OPRM1: variants seen among roughly 807,000 people sequenced by gnomAD.
OPRM1 encodes the protein mu-type opioid receptor.
A neutral mutation model predicts 31.8 loss-of-function variants in OPRM1; 27 were observed. That is an observed-to-expected ratio of 0.85 (90% CI 0.63 to 1.17). OPRM1 has a LOEUF of 1.17. Among genes scored for constraint, OPRM1 ranks in the 50% most tolerant of loss-of-function variants. The pLI, the probability that OPRM1 is intolerant of heterozygous loss-of-function variation, is 0.00. For synonymous variants in OPRM1, 196 were observed against 189.9 expected, an observed-to-expected ratio of 1.03 and a Z score of -0.26; for missense variants, 536 against 511.1, an observed-to-expected ratio of 1.05 and a Z score of -0.47.
intron 1 of OPRM1, among the ~76,000 whole-genome samples, chr6:154,029,678 C>T (rs775683421): frequency 3.9e-5 from 6 of 152,146 alleles, no homozygotes; most frequent in Non-Finnish European, 7.4e-5. Flanking sequence ...CAAATCTCAT[C>T]TTGAATTGTA....
chr6:154,158,864 T>G (rs1798816328), intron 3 of OPRM1: 1 of 152,146 alleles, frequency 6.6e-6, no homozygotes, highest in African/African-American at 2.4e-5. Context: ...CATACAAAAA[T>G]AAATCCCTCA....
intron 1 of OPRM1, among the ~76,000 whole-genome samples, chr6:154,033,375 T>A (rs1389752985): frequency 6.6e-6 from 1 of 152,148 alleles, no homozygotes; most frequent in Admixed American, 6.5e-5. Context: ...AGTGCCAGTT[T>A]TTAATGAAAA....
rs200646591 is a variant in OPRM1 at position 154,093,476 on chromosome 6, G to A, written c.1164+2004G>A. ...GATTATTCTTCAGTTGCCCGACACT[G>A]CCCTTGACTCCCTTCCAAATTCGGC... On this transcript the variant is annotated intron_variant, in intron 3 of 3. Coordinates refer to ENST00000330432, the MANE Select transcript of OPRM1 (RefSeq NM_000914.5). The A allele has an allele frequency of 3.7e-6, 6 of 1,611,938 alleles. No individual in the cohort carries two copies. Among genetic ancestry groups the A allele is most frequent in the Non-Finnish European group, 5.1e-6 (6 of 1,178,816 alleles).
chr6:154,099,207 C>T (rs549537506), intron 3 of OPRM1, among the ~76,000 whole-genome samples: 1 of 151,524 alleles, frequency 6.6e-6, no homozygotes, highest in African/African-American at 2.4e-5. Flanking sequence ...ATTGATTGAA[C>T]CTGGGAAGTT....
At chr6:154,034,986 T>A (rs1210985905), upstream of OPRM1, among the ~76,000 whole-genome samples, 1 of 152,210 alleles carries the variant, frequency 6.6e-6, no homozygotes, top group Non-Finnish European at 1.5e-5. Flanking sequence ...GTGTATTATT[T>A]ATAATAATTC....
At chr6:154,153,489 GC>G (rs1297086748) in intron 3 of OPRM1, among the ~76,000 whole-genome samples, 5 of 152,262 alleles carry the variant, frequency 3.3e-5, no homozygotes, top group Admixed American at 6.5e-5. Context: ...TTCAAGACCA[GC>G]CTGCCCAACA....
intron 3 of OPRM1, among the ~76,000 whole-genome samples, chr6:154,176,764 C>T (rs1335307605): frequency 6.6e-6 from 1 of 152,072 alleles, no homozygotes; most frequent in Non-Finnish European, 1.5e-5. Flanking sequence ...TCAATGCTAT[C>T]CCCATCAAGC....
chr6:154,097,381 A>T (rs1793573415), intron 3 of OPRM1, among the ~76,000 whole-genome samples: 1 of 152,050 alleles, frequency 6.6e-6, no homozygotes, highest in South Asian at 2.1e-4. Context: ...AAAATACATC[A>T]CTCTCAAAAG....
intron 1 of OPRM1, among the ~76,000 whole-genome samples, chr6:154,022,010 G>T (rs1778404988): frequency 6.6e-6 from 1 of 152,154 alleles, no homozygotes; most frequent in South Asian, 2.1e-4. Context: ...TGATAAATAT[G>T]ATGTTGAAAA....
chr6:154,159,657 G>A (rs1049989770), intron 3 of OPRM1: 32 of 615,556 alleles, frequency 5.2e-5, no homozygotes, highest in African/African-American at 4.7e-4. Flanking sequence ...CTGAAATGAG[G>A]AGCCCTGGTG....
At position 154,087,765 on chromosome 6, in the gene OPRM1, G is replaced by A. The variant is rs969180951; in HGVS notation, c.291-2061G>A. On this transcript the variant is annotated intron_variant, in intron 1 of 3. Transcript: ENST00000330432. ...CCTGGACTGAGAACGGGAAATGAGT[G>A]GTTCCCAGAGTGAAACTGAGGTACT... The A allele has an allele frequency of 1.1e-4, 19 of 172,386 alleles. No individual in the cohort carries two copies. In the South Asian group the frequency reaches 1.7e-3, roughly 16 times the overall value. The allele number at this position is 172,386 out of a possible 1,614,324, so 10.7% of individuals were successfully genotyped here.
intron 1 of OPRM1, among the ~76,000 whole-genome samples, chr6:154,053,231 T>G (rs192728435): frequency 7.6e-4 from 116 of 152,354 alleles, no homozygotes; most frequent in Non-Finnish European, 1.1e-3. Context: ...TTCAATCTTT[T>G]GGAAGCTTTC....
At position 154,085,397 on chromosome 6, in the gene OPRM1, G is replaced by A. The variant is rs531307098; in HGVS notation, c.291-4429G>A. Among the ~76,000 whole-genome samples, 25 of 152,194 alleles carry A rather than the reference G, an allele frequency of 1.6e-4. 1 individual carries two copies. The highest frequency in any genetic ancestry group is 1.2e-3 in the Admixed American group (19 of 15,292). ...GAAGAACACAATTTTTTTCAAAAAC[G>A]AATAGCATTGTAAATTCATTTGAAT... On this transcript the variant is annotated intron_variant, in intron 1 of 3. Transcript: ENST00000330432.
intron 1 of OPRM1, among the ~76,000 whole-genome samples, chr6:154,021,840 G>T (rs1583132153): frequency 6.6e-6 from 1 of 151,566 alleles, no homozygotes; most frequent in East Asian, 1.9e-4. Flanking sequence ...CTCCAGGAGG[G>T]TTTTCTCTTT....
At position 154,130,899 on chromosome 6, in the gene OPRM1, A is replaced by G. The variant is rs1166233488; in HGVS notation, c.*12178A>G. Among the ~76,000 whole-genome samples the G allele has an allele frequency of 7.2e-5, 11 of 152,140 alleles. No homozygotes were observed. Among genetic ancestry groups the G allele is most frequent in the Admixed American group, 7.2e-4 (11 of 15,282 alleles). Reference sequence around the variant, plus strand: ...TGAACTTTTACATACTTAAATAGCCAGTTATGAAAATGTAAAACAATGAGT... The same window carrying G: ...TGAACTTTTACATACTTAAATAGCCGGTTATGAAAATGTAAAACAATGAGT... On this transcript the variant is annotated 3_prime_UTR_variant, in exon 4 of 4. Coordinates refer to ENST00000330432, the MANE Select transcript of OPRM1 (RefSeq NM_000914.5).
intron 3 of OPRM1, chr6:154,108,288 C>T (rs1036620427): frequency 1.9e-5 from 6 of 314,506 alleles, no homozygotes; most frequent in African/African-American, 4.3e-5. Flanking sequence ...ATCTTTAATC[C>T]GACCTCTGAC....
In OPRM1 at chr6:154,131,942, G is replaced by GTTTTTTTT. The variant is rs11301836; in HGVS notation, c.*13229_*13236dup. On this transcript the variant is annotated 3_prime_UTR_variant, in exon 4 of 4. Transcript: ENST00000330432. ...CTGGGAGTTTTTCTATAAGTTTTTGGTTTTTTTTTTTTTTTCTCTTCATTA... is the reference window on the plus strand; with the variant it reads ...CTGGGAGTTTTTCTATAAGTTTTTGGTTTTTTTTTTTTTTTTTTTTTTTCTCTTCATTA... 7.3e-6 allele frequency among the ~76,000 whole-genome samples: 1 copy of GTTTTTTTT among 137,336 alleles called. No homozygotes were observed. The allele number at this position is 137,336 out of a possible 152,430, so 90.1% of individuals were successfully genotyped here. A position where few individuals can be genotyped will look rare whatever the true frequency, so the allele number is the denominator to read the frequency against.
chr6:154,114,303 T>A (rs1796632774), intron 3 of OPRM1, among the ~76,000 whole-genome samples: 1 of 152,222 alleles, frequency 6.6e-6, no homozygotes, highest in Admixed American at 6.5e-5. Flanking sequence ...AGATACTGAC[T>A]TGGGTGGCTG....
intron 1 of OPRM1, among the ~76,000 whole-genome samples, chr6:154,059,696 A>G (rs1784028498): frequency 6.6e-6 from 1 of 152,246 alleles, no homozygotes; most frequent in Non-Finnish European, 1.5e-5. Context: ...AGAACCTAAC[A>G]AAGTAACAAA....
Sources: allele counts gnomAD v4.1 joint callset (sites outside exome capture counted in the v4.1 genomes callset), GRCh38; gene constraint gnomAD v4.1.1; transcripts MANE v1.5; gene names NCBI Gene and HGNC (gene_info 2026-07-23, HGNC 2026-07-21).